The following CES5A variants were observed in gnomAD, a reference collection of about 807,000 sequenced individuals.
The protein encoded by CES5A is carboxylesterase 5A.
CES5A carries 67 observed loss-of-function variants against 62.9 expected under a neutral mutation model. The ratio of observed to expected loss-of-function variants is 1.07; its 90% CI spans 0.88 to 1.31. The LOEUF is 1.31. Among genes scored for constraint, CES5A ranks in the 50% most tolerant of loss-of-function variants. The pLI, the probability that CES5A is intolerant of heterozygous loss-of-function variation, is 0.00. For missense variants in CES5A, 748 were observed against 708.5 expected (o/e 1.06, Z -0.63); for synonymous variants, 296 against 280.8 (o/e 1.05, Z -0.54).
chr16:55,917,105 A>G (rs1003814378), intron 1 of CES5A, among the ~76,000 whole-genome samples: 7 of 152,152 alleles, frequency 4.6e-5, no homozygotes, highest in Non-Finnish European at 8.8e-5. Flanking sequence ...CACTCCTCAG[A>G]GCTCTGCTCT....
intron 3 of CES5A, among the ~76,000 whole-genome samples, chr16:55,870,181 G>A (rs1597124730): frequency 6.6e-6 from 1 of 152,092 alleles, no homozygotes; most frequent in East Asian, 1.9e-4. Context: ...GGAAACCATT[G>A]TAAGCCATGT....
intron 1 of CES5A, among the ~76,000 whole-genome samples, chr16:55,888,721 G>A (rs188763519): frequency 3.3e-5 from 5 of 152,274 alleles, no homozygotes; most frequent in Admixed American, 2.6e-4. Flanking sequence ...ATGTCACATT[G>A]AATCTTCACA....
intron 7 of CES5A, among the ~76,000 whole-genome samples, chr16:55,859,928 G>C (rs1468983855): frequency 6.6e-6 from 1 of 152,098 alleles, no homozygotes; most frequent in East Asian, 1.9e-4. Context: ...TGCTAAATGG[G>C]AATAATAATA....
intron 1 of CES5A, among the ~76,000 whole-genome samples, chr16:55,901,939 A>C (rs2033994492): frequency 6.6e-6 from 1 of 152,220 alleles, no homozygotes; most frequent in Non-Finnish European, 1.5e-5. Context: ...AGCAGCAGCC[A>C]AAATTCCTCA....
chr16:55,916,638 C>T lies in CES5A; in HGVS notation c.-256+8685G>A, dbSNP rs1420219. 2.3e-3 allele frequency among the ~76,000 whole-genome samples: 350 copies of T among 152,320 alleles called. 2 individuals carry two copies. Among genetic ancestry groups the T allele is most frequent in the Non-Finnish European group, 4.2e-3 (283 of 68,034 alleles). On this transcript the variant is annotated intron_variant, in intron 1 of 12. Coordinates refer to the CES5A transcript ENST00000518005. The stretch of plus-strand genomic sequence containing the variant: ...GCTATGGCAGTCAAGTTCCCTAACA[C>T]CACCCTCTACTCAGCCCTAACCTCT...
At position 55,846,767 on chromosome 16, in the gene CES5A, C is replaced by T. The variant is rs199939321; in HGVS notation, c.1496+1G>A. The T allele has an allele frequency of 3.2e-5, 51 of 1,614,126 alleles. No homozygotes were observed. In the East Asian group the frequency reaches 1.1e-3, roughly 34 times the overall value. ...TGGGGGAGACCGGGAGGTTTACTTACCCGGTTCGAGCAAAGGTAGCCCAGT... is the reference window on the plus strand; with the variant it reads ...TGGGGGAGACCGGGAGGTTTACTTATCCGGTTCGAGCAAAGGTAGCCCAGT... On this transcript the variant is annotated splice_donor_variant, in intron 12 of 12. Transcript: ENST00000290567. LOFTEE classifies it high-confidence loss of function.
At chr16:55,913,982 G>C (rs1319112412) in intron 1 of CES5A, among the ~76,000 whole-genome samples, 4 of 152,158 alleles carry the variant, frequency 2.6e-5, no homozygotes, top group Non-Finnish European at 4.4e-5. Flanking sequence ...ATCAGAGTCA[G>C]ATCCACATCC....
chr16:55,919,687 T>TA (rs1388313128), intron 1 of CES5A, among the ~76,000 whole-genome samples: 6 of 152,210 alleles, frequency 3.9e-5, no homozygotes, highest in African/African-American at 1.4e-4. Flanking sequence ...TCACTACTTT[T>TA]AAAAAATCAA....
chr16:55,925,117 C>T lies in CES5A; in HGVS notation c.-256+206G>A, dbSNP rs117080690. Among the ~76,000 whole-genome samples, 84 of 151,904 alleles carry T rather than the reference C, an allele frequency of 5.5e-4. 2 individuals carry two copies. The East Asian group carries it at 0.012, about 22-fold the overall frequency. On this transcript the variant is annotated intron_variant, in intron 1 of 12. Coordinates refer to the CES5A transcript ENST00000518005. ...GAGAAAATATTTGTAAACTCTCAAC[C>T]GACAACAGATTAATAATCAGAATAT...
In CES5A at chr16:55,846,668, T is replaced by C; in HGVS notation, c.1511A>G (p.Asn504Ser). ...TFARTGNPNG[N>S]DLSLWPAYNL... ...ATAAGCTGGCCACAGAGACAGGTCG[T>C]TCCCATTAGGATTCCTAGAAGGGAG... Residue 504 changes from asparagine (N) to serine (S), a missense_variant, in exon 13 of 13, where the codon AAC (asparagine) becomes AGC (serine). Physicochemically the swap from Asn to Ser is conservative, Grantham distance 46 (BLOSUM62 1). Transcript: ENST00000290567. 6.2e-7 allele frequency: 1 copy of C among 1,614,042 alleles called. No individual in the cohort carries two copies. Among genetic ancestry groups the C allele is most frequent in the Non-Finnish European group, 8.5e-7 (1 of 1,179,976 alleles).
upstream of CES5A, among the ~76,000 whole-genome samples, chr16:55,926,254 T>C (rs924364167): frequency 1.3e-5 from 2 of 152,192 alleles, no homozygotes; most frequent in Non-Finnish European, 2.9e-5. Context: ...ATCTATTATG[T>C]ATAAATTTTT....
rs115230845 is a variant in CES5A at position 55,943,863 on chromosome 16, T to G, written c.160+5922A>C. Reference sequence around the variant, plus strand: ...CTCTCTGAGACTCAGTTTCCCCATCTTTCATACAAGGAGCCTGGACCAGAT... The same window carrying G: ...CTCTCTGAGACTCAGTTTCCCCATCGTTCATACAAGGAGCCTGGACCAGAT... On this transcript the variant is annotated intron_variant, in intron 2 of 13. Coordinates refer to the CES5A transcript ENST00000521992. Among the ~76,000 whole-genome samples the G allele has an allele frequency of 1.5e-3, 225 of 152,292 alleles. 1 individual carries two copies. The highest frequency in any genetic ancestry group is 4.9e-3 in the African/African-American group (203 of 41,564).
intron 1 of CES5A, among the ~76,000 whole-genome samples, chr16:55,892,446 T>G (rs1186865303): frequency 6.6e-6 from 1 of 152,224 alleles, no homozygotes; most frequent in Non-Finnish European, 1.5e-5. Context: ...CACTCATTTT[T>G]GGCTCAAAAT....
chr16:55,939,362 C>T (rs1262439837), intron 2 of CES5A, among the ~76,000 whole-genome samples: 1 of 152,022 alleles, frequency 6.6e-6, no homozygotes. Flanking sequence ...GGGGTAGTTC[C>T]CCAAAGAAAA....
chr16:55,951,360 G>A (rs913362964), intron 1 of CES5A, among the ~76,000 whole-genome samples: 4 of 152,002 alleles, frequency 2.6e-5, no homozygotes, highest in African/African-American at 7.2e-5. Context: ...TTTGCTGGGA[G>A]GATTTAGGAA....
intron 11 of CES5A, among the ~76,000 whole-genome samples, chr16:55,849,198 T>C (rs2142381077): frequency 6.6e-6 from 1 of 152,236 alleles, no homozygotes; most frequent in Middle Eastern, 3.4e-3. Flanking sequence ...TTTACAAAGC[T>C]CTTCTGGGTG....
rs1255697870 is a variant in CES5A at position 55,859,699 on chromosome 16, A to T, written c.916-12T>A. On this transcript the variant is annotated splice_polypyrimidine_tract_variant and intron_variant, in intron 7 of 12. Transcript: ENST00000290567. ...AAAGACTTTGTTTTCTGTAATAAGGAAGAAAAAAAAATCATCAGCTATCAT... is the reference window on the plus strand; with the variant it reads ...AAAGACTTTGTTTTCTGTAATAAGGTAGAAAAAAAAATCATCAGCTATCAT... 1.3e-6 allele frequency: 2 copies of T among 1,594,036 alleles called. No individual in the cohort carries two copies.
At chr16:55,861,014 C>T (rs1241443669) in intron 7 of CES5A, among the ~76,000 whole-genome samples, 1 of 152,180 alleles carries the variant, frequency 6.6e-6, no homozygotes, top group Non-Finnish European at 1.5e-5. Flanking sequence ...GAGCCCAGTC[C>T]TTTTCCAGAC....
intron 1 of CES5A, among the ~76,000 whole-genome samples, chr16:55,917,811 T>C (rs191547858): frequency 6.6e-6 from 1 of 152,264 alleles, no homozygotes; most frequent in East Asian, 1.9e-4. Context: ...ACTGAGGCCA[T>C]CTTAAACATA....
Sources: allele counts gnomAD v4.1 joint callset (sites outside exome capture counted in the v4.1 genomes callset), GRCh38; gene constraint gnomAD v4.1.1; transcripts MANE v1.5; gene names NCBI Gene and HGNC (gene_info 2026-07-23, HGNC 2026-07-21).